URB2: variants seen among roughly 807,000 people sequenced by gnomAD.
URB2 encodes the protein unhealthy ribosome biogenesis protein 2 homolog.
Under a neutral mutation model 120.9 loss-of-function variants are expected in URB2, and 86 were observed. The ratio of observed to expected loss-of-function variants is 0.71; its 90% CI spans 0.60 to 0.85. URB2 has a LOEUF of 0.85. Ranked by LOEUF, URB2 falls within the 40% of genes least tolerant of loss-of-function variation. The pLI, the probability that URB2 is intolerant of heterozygous loss-of-function variation, is 0.00. For synonymous variants in URB2, 755 were observed against 758.4 expected, an observed-to-expected ratio of 1.00 and a Z score of 0.07; for missense variants, 1,765 against 1,836.5, an observed-to-expected ratio of 0.96 and a Z score of 0.71.
intron 5 of URB2, among the ~76,000 whole-genome samples, chr1:229,645,465 G>A (rs555718499): frequency 1.9e-4 from 29 of 152,124 alleles, no homozygotes; most frequent in African/African-American, 6.3e-4. Context: ...ATCTGTAAGC[G>A]TGCATCGTTG....
In URB2 at chr1:229,654,240, T is replaced by C. The variant is rs375383536; in HGVS notation, c.4238-9T>C. 1.2e-6 allele frequency: 2 copies of C among 1,612,802 alleles called. No individual in the cohort carries two copies. Among genetic ancestry groups the C allele is most frequent in the African/African-American group, 2.7e-5 (2 of 74,902 alleles). On this transcript the variant is annotated splice_polypyrimidine_tract_variant and intron_variant, in intron 8 of 9. Coordinates refer to ENST00000258243, the MANE Select transcript of URB2 (RefSeq NM_014777.4). ...ACTAATTGGTTGGGAAACACTTTGT[T>C]GTCTGTAGGAAGCATAGATGACCTG... is the stretch of plus-strand genomic sequence containing the variant.
At chr1:229,628,498 T>C (rs541568020) in intron 2 of URB2, among the ~76,000 whole-genome samples, 1 of 152,248 alleles carries the variant, frequency 6.6e-6, no homozygotes, top group South Asian at 2.1e-4. Context: ...AGTATATGCA[T>C]TAATGAACAC....
Position 229,647,936 on chromosome 1 carries a change from G to A in URB2, c.4149+184G>A, listed in dbSNP as rs570264428. 5.9e-5 allele frequency among the ~76,000 whole-genome samples: 9 copies of A among 152,256 alleles called. No individual in the cohort carries two copies. In the South Asian group the frequency reaches 1.5e-3, roughly 25 times the overall value. On this transcript the variant is annotated intron_variant, in intron 7 of 9. Transcript: ENST00000258243. ...TGGTTTCTCAAGCATAAAAATGCTCGACCTTCATACTGGGTTTGTGAGCGA... is the reference window on the plus strand; with the variant it reads ...TGGTTTCTCAAGCATAAAAATGCTCAACCTTCATACTGGGTTTGTGAGCGA...
chr1:229,640,945 C>T (rs928453852), intron 4 of URB2, among the ~76,000 whole-genome samples: 1 of 151,776 alleles, frequency 6.6e-6, no homozygotes, highest in Non-Finnish European at 1.5e-5. Flanking sequence ...GCCCTGTGCC[C>T]CTTAGCTAAA....
At position 229,637,947 on chromosome 1, in the gene URB2, CT is replaced by C. The variant is rs781411549; in HGVS notation, c.3336del (p.Ser1114ArgfsTer69). On this transcript the variant is annotated frameshift_variant, in exon 4 of 10. Coordinates refer to ENST00000258243, the MANE Select transcript of URB2 (RefSeq NM_014777.4). LOFTEE classifies it high-confidence loss of function. ...AGTGCCGGGGGCCCGGGGCTGGCGC[CT>C]TCCCTCGGTCCTCATCTCATCCGTC... ...CSVPGARGWRLPSVLISSVST... is the reference protein window; with the variant it reads ...CSVPGARGWRXPSVLISSVST... 4 of 1,613,474 alleles carry C rather than the reference CT, an allele frequency of 2.5e-6. No homozygotes were observed. Among genetic ancestry groups the C allele is most frequent in the Non-Finnish European group, 3.4e-6 (4 of 1,179,810 alleles).
In URB2 at chr1:229,635,480, C is replaced by G. The variant is rs370424288; in HGVS notation, c.867C>G (p.Gly289=). 2.6e-5 allele frequency: 42 copies of G among 1,613,012 alleles called. No individual in the cohort carries two copies. The highest frequency in any genetic ancestry group is 2.3e-5 in the Non-Finnish European group (27 of 1,179,358). ...DTVLNRLVDA[G]YCAASLHTSV... is the part of the protein sequence containing the mutation. ...TGCTTAACAGGCTGGTTGATGCTGG[C>G]TACTGTGCAGCATCCCTTCATACCT... is the stretch of plus-strand genomic sequence containing the variant. Residue 289 remains glycine, a synonymous_variant, in exon 4 of 10, where the codon GGC becomes GGG. Transcript: ENST00000258243.
chr1:229,643,958 T>G (rs1363712495), intron 5 of URB2, among the ~76,000 whole-genome samples: 2 of 152,262 alleles, frequency 1.3e-5, no homozygotes, highest in Non-Finnish European at 2.9e-5. Flanking sequence ...GTGTTACACA[T>G]TCACAAAACT....
chr1:229,657,691 TCG>T lies in URB2; in HGVS notation c.4378-1408_4378-1407del, dbSNP rs1465230317. Among the ~76,000 whole-genome samples the T allele has an allele frequency of 2.0e-5, 3 of 152,310 alleles. No homozygotes were observed. In the East Asian group the frequency reaches 5.8e-4, roughly 29 times the overall value. The stretch of plus-strand genomic sequence containing the variant: ...AATTCACAGACACGCCATTCTACCT[TCG>T]GTCCTTGAGTGTTGCTATCATCTAT... On this transcript the variant is annotated intron_variant, in intron 9 of 9. Transcript: ENST00000258243.
intron 4 of URB2, 58 bp downstream of exon 4, chr1:229,638,305 C>T: frequency 6.6e-7 from 1 of 1,504,332 alleles, no homozygotes; most frequent in South Asian, 1.3e-5. Context: ...TCCACTGCTC[C>T]CCTTTTTGGA....
Position 229,636,843 on chromosome 1 carries a change from G to C in URB2, c.2230G>C (p.Val744Leu), listed in dbSNP as rs1276918853. 6.2e-7 allele frequency: 1 copy of C among 1,611,406 alleles called. No individual in the cohort carries two copies. The highest frequency in any genetic ancestry group is 8.5e-7 in the Non-Finnish European group (1 of 1,177,832). The change falls in exon 4 of 10, where the codon GTG becomes CTG. Residue 744 changes from valine (V) to leucine (L), a missense_variant. Coordinates refer to ENST00000258243, the MANE Select transcript of URB2 (RefSeq NM_014777.4). ...CCCTGTAGCACACTGGCACTTGATT[G>C]TGTCAAATCTCACAATTTTAATATC... ...TYPVAHWHLI[V>L]SNLTILISYL...
At chr1:229,645,761 C>T (rs2102793700) in intron 5 of URB2, 98 bp from the exon 6 acceptor site, 2 of 1,063,740 alleles carry the variant, frequency 1.9e-6, no homozygotes, top group Non-Finnish European at 2.9e-6. Context: ...CAATCCACTC[C>T]AACGCCACAG....
rs1404271312 is a variant in URB2, at chr1:229,636,165, C to G, written c.1552C>G (p.Leu518Val). The G allele has an allele frequency of 6.2e-7, 1 of 1,614,244 alleles. No homozygotes were observed. The highest frequency in any genetic ancestry group is 1.1e-5 in the South Asian group (1 of 91,086). ...SQILDTWSLVLEKFQSLVLPY... is the reference protein window; with the variant it reads ...SQILDTWSLVVEKFQSLVLPY... The stretch of plus-strand genomic sequence containing the variant: ...GATCCTGGACACGTGGTCCCTTGTG[C>G]TGGAGAAGTTCCAGTCTTTAGTCTT... The change falls in exon 4 of 10, where the codon CTG becomes GTG. Residue 518 changes from leucine (L) to valine (V), a missense_variant. By Grantham distance (32) the Leu-to-Val change is conservative. Transcript: ENST00000258243.
At chr1:229,638,421 G>A (rs1034132805) in intron 4 of URB2, among the ~76,000 whole-genome samples, 174 bp downstream of exon 4, 5 of 152,044 alleles carry the variant, frequency 3.3e-5, no homozygotes, top group Non-Finnish European at 5.9e-5. Flanking sequence ...CGAGGCGGGC[G>A]GATCACAAGG....
intron 8 of URB2, among the ~76,000 whole-genome samples, chr1:229,651,985 C>T (rs1666285298): frequency 6.6e-6 from 1 of 152,102 alleles, no homozygotes; most frequent in Admixed American, 6.6e-5. Context: ...AGTTGAAGCC[C>T]AGCCTGGCCA....
At position 229,638,024 on chromosome 1, in the gene URB2, C is replaced by T. The variant is rs115399513; in HGVS notation, c.3411C>T (p.Ala1137=). The T allele has an allele frequency of 3.4e-5, 55 of 1,612,960 alleles. No individual in the cohort carries two copies. Among genetic ancestry groups the T allele is most frequent in the South Asian group, 6.6e-5 (6 of 90,956 alleles). The stretch of plus-strand genomic sequence containing the variant: ...GTCAGCACTGCAGGGATGGAGGGGC[C>T]GACATTTCCCAAGGAAGCGACAGGA... The part of the protein sequence containing the change: ...DLGQHCRDGG[A]DISQGSDRTL... The change falls in exon 4 of 10, where the codon GCC becomes GCT. Residue 1137 remains alanine (A), a synonymous_variant. Coordinates refer to ENST00000258243, the MANE Select transcript of URB2 (RefSeq NM_014777.4).
chr1:229,652,700 T>A (rs1294440175), intron 8 of URB2, among the ~76,000 whole-genome samples: 2 of 152,206 alleles, frequency 1.3e-5, no homozygotes, highest in African/African-American at 2.4e-5. Context: ...TCAAAGCCTC[T>A]CCCATCATGT....
chr1:229,642,387 C>T (rs1178858523), intron 4 of URB2, among the ~76,000 whole-genome samples: 1 of 152,142 alleles, frequency 6.6e-6, no homozygotes, highest in Non-Finnish European at 1.5e-5. Context: ...CAGGGTTTTA[C>T]AGCTTGTGGG....
rs758933137 is a variant in URB2 at position 229,637,031 on chromosome 1, C to T, written c.2418C>T (p.Ser806=). 2 of 1,614,028 alleles carry T rather than the reference C, an allele frequency of 1.2e-6. No individual in the cohort carries two copies. The highest frequency in any genetic ancestry group is 2.2e-5 in the East Asian group (1 of 44,882). The stretch of plus-strand genomic sequence containing the variant: ...GCCCTCTCTTTCCAGAGATGCAGTC[C>T]CTTCATTCTGCTTTCTTAACGTGCG... ...LHSPLFPEMQ[S]LHSAFLTCVT... is the part of the protein sequence containing the mutation. The change falls in exon 4 of 10, where the codon TCC becomes TCT. Residue 806 remains serine, a synonymous_variant. Transcript: ENST00000258243.
In URB2 at chr1:229,635,199, G is replaced by A. The variant is rs1208076759; in HGVS notation, c.586G>A (p.Asp196Asn). The A allele has an allele frequency of 9.9e-6, 16 of 1,614,104 alleles. No homozygotes were observed. Among genetic ancestry groups the A allele is most frequent in the Admixed American group, 5.0e-5 (3 of 60,012 alleles). ...QQVNPRRAFG[D>N]VTAHLLQPCL... ...GGTCAACCCAAGACGTGCCTTTGGG[G>A]ATGTGACTGCTCACCTGCTCCAGCC... The change falls in exon 4 of 10, where the codon GAT (aspartate) becomes AAT (asparagine). Residue 196 changes from aspartate (D) to asparagine (N), a missense_variant. By Grantham distance (23) the Asp-to-Asn change is conservative. Transcript: ENST00000258243.
Sources: gnomAD v4.1 joint callset for allele counts (sites outside exome capture counted in the v4.1 genomes callset) on GRCh38, gnomAD v4.1.1 for gene constraint, MANE v1.5 for transcripts, NCBI Gene and HGNC (gene_info 2026-07-23, HGNC 2026-07-21) for gene names.